The following MADD variants were observed in gnomAD, a reference collection of about 807,000 sequenced individuals.
MADD encodes the protein MAP kinase activating death domain.
Under a neutral mutation model 176.7 loss-of-function variants are expected in MADD, and 109 were observed. The ratio of observed to expected loss-of-function variants is 0.62; its 90% CI spans 0.53 to 0.72. The LOEUF is 0.72. Among genes scored for constraint, MADD ranks in the 30% least tolerant of loss-of-function variants. MADD has a pLI of 0.00. For synonymous variants in MADD, 771 were observed against 771.3 expected (o/e 1.00, Z 0.01); for missense variants, 1,914 against 2,045.5 (o/e 0.94, Z 1.24).
At position 47,293,858 on chromosome 11, in the gene MADD, G is replaced by A. The variant is rs769783420; in HGVS notation, c.3302-25G>A. On this transcript the variant is annotated intron_variant, in intron 19 of 32. Transcript: ENST00000402192. ...CCTGCCCCTAGCCTTTGTGCACGGA[G>A]TAACAGAAGTCTTCCCCTACTCAGG... The A allele has an allele frequency of 5.8e-5, 86 of 1,487,412 alleles. 2 individuals carry two copies. The East Asian group carries it at 1.4e-3, about 24-fold the overall frequency. The allele number at this position is 1,487,412 out of a possible 1,614,324, so 92.1% of individuals were successfully genotyped here.
chr11:47,279,357 AT>A (rs1305318077), intron 7 of MADD, among the ~76,000 whole-genome samples: 1 of 145,110 alleles, frequency 6.9e-6, no homozygotes, highest in Non-Finnish European at 1.5e-5. Flanking sequence ...GCCACTCTCT[AT>A]GGCTTCAGAA....
chr11:47,300,203 T>A (rs937138224), intron 22 of MADD, among the ~76,000 whole-genome samples: 1 of 149,826 alleles, frequency 6.7e-6, no homozygotes, highest in Non-Finnish European at 1.5e-5. Context: ...TTCTTTTTTC[T>A]TTCTTTTTTT....
chr11:47,273,697 G>T (rs767051495), intron 1 of MADD, 130 bp from the exon 2 acceptor site: 21 of 480,510 alleles, frequency 4.4e-5, no homozygotes, highest in African/African-American at 1.2e-4. Flanking sequence ...CTAGGCAAGC[G>T]TCAAGTTCTC....
chr11:47,317,540 A>T (rs183137945), intron 27 of MADD, among the ~76,000 whole-genome samples: 220 of 152,180 alleles, frequency 1.4e-3, no homozygotes, highest in African/African-American at 5.0e-3. Context: ...CATATTTCTC[A>T]TAGACTGGTA....
intron 27 of MADD, among the ~76,000 whole-genome samples, chr11:47,320,024 G>T (rs971368617): frequency 7.2e-6 from 1 of 139,630 alleles, no homozygotes. Context: ...TACAAATATT[G>T]TTAAATAATT....
intron 22 of MADD, among the ~76,000 whole-genome samples, chr11:47,296,455 T>TA (rs1416129766): frequency 3.3e-5 from 5 of 152,258 alleles, no homozygotes; most frequent in African/African-American, 1.2e-4. Flanking sequence ...CTGCTCTATT[T>TA]ATAAATAAAA....
chr11:47,276,587 C>A, intron 4 of MADD, 145 bp from the exon 5 acceptor site: 2 of 882,732 alleles, frequency 2.3e-6, no homozygotes, highest in Non-Finnish European at 1.8e-6. Context: ...AGGTGGCAGG[C>A]ATGGTGGGGC....
At chr11:47,313,883 ATG>A (rs1462071660) in intron 26 of MADD, among the ~76,000 whole-genome samples, 1 of 151,672 alleles carries the variant, frequency 6.6e-6, no homozygotes, top group Non-Finnish European at 1.5e-5. Context: ...CCTCAGCCTC[ATG>A]AGTAGCTGGG....
exon 7 of MADD, chr11:47,279,058 G>A (rs776697124): frequency 6.2e-7 from 1 of 1,613,986 alleles, no homozygotes. Context: ...AATCACTAGA[G>A]CTGAAAAAGC....
exon 5 of MADD, chr11:47,276,785 C>T (rs749552326): frequency 3.7e-6 from 6 of 1,614,030 alleles, no homozygotes; most frequent in East Asian, 2.2e-5. Flanking sequence ...TGATGGCATT[C>T]GTGGCAATGA....
chr11:47,275,163 C>T lies in MADD; in HGVS notation c.659+4C>T. The T allele has an allele frequency of 6.2e-7, 1 of 1,605,434 alleles. No homozygotes were observed. The highest frequency in any genetic ancestry group is 8.5e-7 in the Non-Finnish European group (1 of 1,175,652). ...GCATCCCTCGAGGCGTACAAAGGTACAGTTTGCTGCTGATGCCTAATGGGG... is the reference window on the plus strand; with the variant it reads ...GCATCCCTCGAGGCGTACAAAGGTATAGTTTGCTGCTGATGCCTAATGGGG... On this transcript the variant is annotated splice_donor_region_variant and intron_variant, in intron 3 of 32. Transcript: ENST00000402192.
At chr11:47,274,930 C>T (rs374353449) in exon 3 of MADD, 8 of 1,613,822 alleles carry the variant, frequency 5.0e-6, no homozygotes, top group Non-Finnish European at 6.8e-6. Context: ...ATCCCTGCAG[C>T]CTCTCAGTGC....
intron 20 of MADD, among the ~76,000 whole-genome samples, chr11:47,294,465 T>G (rs1195900696): frequency 6.6e-6 from 1 of 151,010 alleles, no homozygotes; most frequent in Non-Finnish European, 1.5e-5. Flanking sequence ...GGAGTTGGAG[T>G]TGGAGACCAG....
At chr11:47,290,920 C>A in intron 19 of MADD, 104 bp downstream of exon 20, 1 of 944,976 alleles carries the variant, frequency 1.1e-6, no homozygotes, top group Non-Finnish European at 1.6e-6. Context: ...CCATGCTTTG[C>A]TTCTTAGAGA....
intron 31 of MADD, chr11:47,328,136 T>A (rs907614055): frequency 9.9e-7 from 1 of 1,014,654 alleles, no homozygotes; most frequent in African/African-American, 1.7e-5. Flanking sequence ...TATATCATGT[T>A]ACCTCTTCAT....
At chr11:47,290,023 C>A in exon 17 of MADD, 1 of 1,614,120 alleles carries the variant, frequency 6.2e-7, no homozygotes, top group East Asian at 2.2e-5. Flanking sequence ...AGTCAGAGGA[C>A]GATGCCCGGC....
chr11:47,327,910 C>T (rs1263670239), intron 31 of MADD: 7 of 985,368 alleles, frequency 7.1e-6, no homozygotes, highest in Non-Finnish European at 8.4e-6. Context: ...AGAACCCCTG[C>T]ATGGCTGGAG....
chr11:47,314,165 C>T (rs566996148), intron 26 of MADD, among the ~76,000 whole-genome samples: 7 of 151,540 alleles, frequency 4.6e-5, no homozygotes, highest in African/African-American at 1.7e-4. Context: ...CACTTGAGCT[C>T]AGGAGGTTGA....
chr11:47,295,778 GCTAT>G (rs768071504), intron 21 of MADD, 115 bp from the exon 24 acceptor site: 52 of 1,523,436 alleles, frequency 3.4e-5, no homozygotes, highest in South Asian at 1.7e-4. Flanking sequence ...ACTTCCAGAG[GCTAT>G]CTGACACACT....
Sources: gnomAD v4.1 joint callset for allele counts (sites outside exome capture counted in the v4.1 genomes callset) on GRCh38, gnomAD v4.1.1 for gene constraint, MANE v1.5 for transcripts, NCBI Gene and HGNC (gene_info 2026-07-23, HGNC 2026-07-21) for gene names.